Variants in SIPA1L3 observed in about 807,000 individuals in gnomAD.
SIPA1L3 encodes signal-induced proliferation-associated 1-like protein 3.
Under a neutral mutation model 150.1 loss-of-function variants are expected in SIPA1L3, and 59 were observed. The observed-to-expected ratio is 0.39, with a 90% confidence interval of 0.32 to 0.49. SIPA1L3 has a LOEUF of 0.49. Ranked by LOEUF, SIPA1L3 falls within the 20% of genes least tolerant of loss-of-function variation. SIPA1L3 has a pLI of 0.86. For missense variants in SIPA1L3, 2,211 were observed against 2,489.5 expected (o/e 0.89, Z 2.38); for synonymous variants, 1,070 against 1,077.6 (o/e 0.99, Z 0.14).
rs1224288121 is a variant in SIPA1L3 at position 38,123,930 on chromosome 19, C to T, written c.2868+4048C>T. Among the ~76,000 whole-genome samples the T allele has an allele frequency of 1.7e-4, 25 of 143,928 alleles. No individual in the cohort carries two copies. The East Asian group carries it at 2.6e-3, about 15-fold the overall frequency. The allele number at this position is 143,928 out of a possible 152,430, so 94.4% of individuals were successfully genotyped here. A position where few individuals can be genotyped will look rare whatever the true frequency, so the allele number is the denominator to read the frequency against. On this transcript the variant is annotated intron_variant, in intron 9 of 21. Transcript: ENST00000222345. ...CCCAGTAGGGGCGGCCGGGCAGAGGCGCCCCTCACCTCCCGGACGGGGTGG... is the reference window on the plus strand; with the variant it reads ...CCCAGTAGGGGCGGCCGGGCAGAGGTGCCCCTCACCTCCCGGACGGGGTGG...
chr19:38,127,644 C>G (rs1466982397), intron 9 of SIPA1L3, among the ~76,000 whole-genome samples: 1 of 151,930 alleles, frequency 6.6e-6, no homozygotes, highest in Admixed American at 6.6e-5. Flanking sequence ...GCGTATGCCA[C>G]CATGCTCAGC....
chr19:38,124,165 C>G (rs190031160), intron 9 of SIPA1L3, among the ~76,000 whole-genome samples: 1 of 150,110 alleles, frequency 6.7e-6, no homozygotes, highest in Admixed American at 6.6e-5. Flanking sequence ...ACTTCCCAGA[C>G]GGGGTGGTTG....
chr19:38,202,125 G>T (rs1600211206), intron 20 of SIPA1L3, 128 bp downstream of exon 20: 1 of 843,166 alleles, frequency 1.2e-6, no homozygotes, highest in Non-Finnish European at 1.8e-6. Flanking sequence ...TGATATAGCA[G>T]CTACTCCCCC....
chr19:38,122,354 G>A (rs1303610052), intron 9 of SIPA1L3, among the ~76,000 whole-genome samples: 1 of 152,196 alleles, frequency 6.6e-6, no homozygotes, highest in Non-Finnish European at 1.5e-5. Flanking sequence ...CTCCATTTGC[G>A]GATGTCAGAG....
chr19:37,909,184 T>G (rs2046358671), intron 1 of SIPA1L3, among the ~76,000 whole-genome samples: 2 of 152,192 alleles, frequency 1.3e-5, no homozygotes, highest in Non-Finnish European at 2.9e-5. Context: ...TTGGCCCATA[T>G]TGGTCTCCCA....
rs191004042 is a variant in SIPA1L3, at chr19:38,181,610, G to C, written c.4209-909G>C. ...TGTAATCCCAACACTTTGGGAGGCT[G>C]AGGTAGGCGGATCATCTGAGGTTAG... On this transcript the variant is annotated intron_variant, in intron 15 of 21. Coordinates refer to ENST00000222345, the MANE Select transcript of SIPA1L3 (RefSeq NM_015073.3). Among the ~76,000 whole-genome samples, 125 of 151,980 alleles carry C rather than the reference G, an allele frequency of 8.2e-4. 1 individual carries two copies. The highest frequency in any genetic ancestry group is 8.2e-3 in the Admixed American group (125 of 15,254).
chr19:37,969,509 G>A (rs1159550361), intron 1 of SIPA1L3, among the ~76,000 whole-genome samples: 1 of 151,862 alleles, frequency 6.6e-6, no homozygotes, highest in Non-Finnish European at 1.5e-5. Context: ...CTGAGATTGT[G>A]CCACTGCACT....
intron 1 of SIPA1L3, among the ~76,000 whole-genome samples, chr19:37,995,913 T>G (rs1284852874): frequency 9.9e-5 from 15 of 152,128 alleles, no homozygotes; most frequent in African/African-American, 3.4e-4. Context: ...ATTTAGAGTC[T>G]TCAGTGGTTT....
chr19:38,169,667 T>C (rs1972284474), intron 15 of SIPA1L3, among the ~76,000 whole-genome samples: 1 of 152,198 alleles, frequency 6.6e-6, no homozygotes, highest in African/African-American at 2.4e-5. Flanking sequence ...CACACAGAAA[T>C]GAGGCCTTGC....
rs1239372233 is a variant in SIPA1L3 at position 38,119,392 on chromosome 19, G to C, written c.2378G>C (p.Arg793Thr). ...GTTFRKSDVF[R>T]DFLLAKVINA... ...ACATTCCGCAAATCCGACGTCTTCA[G>C]AGACTTCTTGCTGGCCAAGGTGATT... is the stretch of plus-strand genomic sequence containing the variant. Residue 793 changes from arginine to threonine, a missense_variant, in exon 9 of 22, where the codon AGA becomes ACA. Physicochemically the swap from Arg to Thr is moderately conservative, Grantham distance 71. This residue lies in a region of SIPA1L3 where 625 missense variants were observed against 804.2 expected (regional missense o/e 0.78). Transcript: ENST00000222345. 6.2e-7 allele frequency: 1 copy of C among 1,614,166 alleles called. No individual in the cohort carries two copies. The highest frequency in any genetic ancestry group is 1.1e-5 in the South Asian group (1 of 91,086).
intron 2 of SIPA1L3, among the ~76,000 whole-genome samples, chr19:38,038,327 T>G (rs1390106493): frequency 6.6e-6 from 1 of 152,098 alleles, no homozygotes; most frequent in Non-Finnish European, 1.5e-5. Context: ...ACGAGGTGGC[T>G]CATTCCTGTA....
At chr19:38,094,395 T>C (rs1204734121) in intron 4 of SIPA1L3, among the ~76,000 whole-genome samples, 3 of 152,076 alleles carry the variant, frequency 2.0e-5, no homozygotes, top group Non-Finnish European at 2.9e-5. Context: ...ACCACAGGCA[T>C]GCACCACCAT....
chr19:38,007,999 G>A (rs891656160), intron 1 of SIPA1L3, among the ~76,000 whole-genome samples: 13 of 152,042 alleles, frequency 8.6e-5, no homozygotes, highest in African/African-American at 2.7e-4. Flanking sequence ...TATCCCCAGC[G>A]TCTAGAGCAG....
At chr19:38,065,907 T>TTATCTATC (rs1223844979) in intron 2 of SIPA1L3, among the ~76,000 whole-genome samples, 2 of 119,204 alleles carry the variant, frequency 1.7e-5, no homozygotes, top group African/African-American at 3.5e-5. Flanking sequence ...GATCTCTTAT[T>TTATCTATC]TATTTATCTA....
At chr19:38,153,807 G>T (rs541033914) in intron 13 of SIPA1L3, among the ~76,000 whole-genome samples, 17 of 150,912 alleles carry the variant, frequency 1.1e-4, no homozygotes, top group African/African-American at 4.1e-4. Flanking sequence ...GGTGGTACAT[G>T]CCTGTAATCT....
At chr19:38,114,835 G>C (rs73632905) in intron 8 of SIPA1L3, among the ~76,000 whole-genome samples, 2,125 of 152,348 alleles carry the variant, frequency 0.014, 52 homozygotes, top group African/African-American at 0.048. Flanking sequence ...GAGCGAGGGG[G>C]ATCTGGCCTG....
Position 38,198,435 on chromosome 19 carries a change from C to T in SIPA1L3, c.4887C>T (p.Arg1629=). The T allele has an allele frequency of 1.3e-6, 2 of 1,598,556 alleles. No homozygotes were observed. Among genetic ancestry groups the T allele is most frequent in the Non-Finnish European group, 8.5e-7 (1 of 1,173,526 alleles). ...SELSLADGRD[R]PLRRLDPGLM... ...TCTCGCTGGCTGATGGGCGGGACCG[C>T]CCCCTGCGGCGCCTGGACCCTGGGC... Residue 1629 remains arginine (R), a synonymous_variant, in exon 19 of 22, where the codon CGC becomes CGT. Transcript: ENST00000222345.
At chr19:37,908,625 T>C (rs1052459453) in intron 1 of SIPA1L3, among the ~76,000 whole-genome samples, 23 of 152,280 alleles carry the variant, frequency 1.5e-4, no homozygotes, top group Non-Finnish European at 1.6e-4. Flanking sequence ...TGTTTTTTTT[T>C]TTAATAGGCC....
chr19:38,142,507 A>C, intron 11 of SIPA1L3, 66 bp from the exon 12 acceptor site: 1 of 1,513,326 alleles, frequency 6.6e-7, no homozygotes, highest in Non-Finnish European at 8.9e-7. Flanking sequence ...CTGTCCGTCC[A>C]TCCTCCCAGG....
Sources: allele counts gnomAD v4.1 joint callset (sites outside exome capture counted in the v4.1 genomes callset), GRCh38; gene constraint gnomAD v4.1.1; regional missense constraint gnomAD v4.1.1; transcripts MANE v1.5; gene names NCBI Gene and HGNC (gene_info 2026-07-23, HGNC 2026-07-21).